Variants in MTHFS observed in about 807,000 individuals in gnomAD.
MTHFS encodes methenyltetrahydrofolate synthetase, also known as 5-formyltetrahydrofolate cyclo-ligase.
A neutral mutation model predicts 12.7 loss-of-function variants in MTHFS; 7 were observed. That is an observed-to-expected ratio of 0.55 (90% CI 0.31 to 1.03). MTHFS has a LOEUF of 1.03. Among genes scored for constraint, MTHFS ranks in the 50% least tolerant of loss-of-function variants. MTHFS has a pLI of 0.05. For missense variants in MTHFS, 252 were observed against 258.1 expected (o/e 0.98, Z 0.16); for synonymous variants, 100 against 97.1 (o/e 1.03, Z -0.18).
intron 2 of MTHFS, among the ~76,000 whole-genome samples, chr15:79,861,495 G>A (rs1204410507): frequency 6.6e-6 from 1 of 152,150 alleles, no homozygotes; most frequent in Admixed American, 6.5e-5. Flanking sequence ...CTCATGTGTT[G>A]GTGATGAGTA....
At chr15:79,848,994 AT>A (rs1436750275) in intron 2 of MTHFS, among the ~76,000 whole-genome samples, 2 of 152,344 alleles carry the variant, frequency 1.3e-5, no homozygotes, top group East Asian at 1.9e-4. Flanking sequence ...AGGCAAAAAA[AT>A]AAAATAAAAT....
intron 2 of MTHFS, among the ~76,000 whole-genome samples, chr15:79,857,725 A>G (rs1199443597): frequency 6.6e-6 from 1 of 152,192 alleles, no homozygotes; most frequent in Admixed American, 6.5e-5. Context: ...ACTTGCTCTT[A>G]AAACCCAAAA....
intron 2 of MTHFS, among the ~76,000 whole-genome samples, chr15:79,852,911 T>A (rs908780314): frequency 5.9e-5 from 9 of 152,218 alleles, no homozygotes; most frequent in African/African-American, 2.2e-4. Flanking sequence ...GTGACAGGAA[T>A]TTAGACTCTT....
chr15:79,890,303 C>T (rs577345377), intron 1 of MTHFS, among the ~76,000 whole-genome samples: 1 of 137,242 alleles, frequency 7.3e-6, no homozygotes, highest in Non-Finnish European at 1.5e-5. Context: ...CTGCCTCAAT[C>T]TGCAATCACT....
At chr15:79,852,994 C>T (rs193251499) in intron 2 of MTHFS, among the ~76,000 whole-genome samples, 29 of 152,170 alleles carry the variant, frequency 1.9e-4, no homozygotes, top group Non-Finnish European at 4.0e-4. Context: ...GATCTCACAG[C>T]AGCACTTTCC....
chr15:79,894,844 A>G (rs1596085612), intron 1 of MTHFS, among the ~76,000 whole-genome samples: 1 of 151,984 alleles, frequency 6.6e-6, no homozygotes, highest in African/African-American at 2.4e-5. Context: ...ACAGTCTCCC[A>G]TTTGCCTCCT....
intron 2 of MTHFS, among the ~76,000 whole-genome samples, chr15:79,869,969 G>A (rs920859071): frequency 6.6e-6 from 1 of 152,016 alleles, no homozygotes; most frequent in African/African-American, 2.4e-5. Context: ...GGAAAGAAGG[G>A]ATTATCAAAA....
chr15:79,896,742 TGCGCGCGCCGGG>T, intron 1 of MTHFS, 118 bp downstream of exon 1: 1 of 1,056,312 alleles, frequency 9.5e-7, no homozygotes. Flanking sequence ...AGGGGAAACG[TGCGCGCGCCGGG>T]GGGTGGGGGG....
chr15:79,870,936 A>G (rs1010981536), intron 2 of MTHFS, among the ~76,000 whole-genome samples: 1 of 152,184 alleles, frequency 6.6e-6, no homozygotes, highest in Non-Finnish European at 1.5e-5. Flanking sequence ...TGAACTGAGG[A>G]GGTCGAGACC....
intron 2 of MTHFS, among the ~76,000 whole-genome samples, chr15:79,846,146 G>A (rs1394782692): frequency 6.6e-6 from 1 of 152,214 alleles, no homozygotes; most frequent in African/African-American, 2.4e-5. Flanking sequence ...GCAGGGTCCT[G>A]GAGGCTATAA....
chr15:79,860,350 C>T (rs1354935967), intron 2 of MTHFS, among the ~76,000 whole-genome samples: 1 of 151,390 alleles, frequency 6.6e-6, no homozygotes, highest in African/African-American at 2.4e-5. Flanking sequence ...GATCGCACCA[C>T]TGCACTCCAG....
intron 2 of MTHFS, among the ~76,000 whole-genome samples, chr15:79,865,338 C>T (rs2033990720): frequency 6.6e-6 from 1 of 152,104 alleles, no homozygotes; most frequent in Non-Finnish European, 1.5e-5. Context: ...GGAAAAATGT[C>T]TATTATGATT....
chr15:79,891,356 A>C (rs540913924), intron 1 of MTHFS, among the ~76,000 whole-genome samples: 1 of 151,960 alleles, frequency 6.6e-6, no homozygotes, highest in African/African-American at 2.4e-5. Context: ...GAAAAAAATA[A>C]GAAGGGGAGA....
At position 79,844,715 on chromosome 15, in the gene MTHFS, GGGT is replaced by G. The variant is rs2141335158; in HGVS notation, c.*492_*494del. 6.6e-6 allele frequency among the ~76,000 whole-genome samples: 1 copy of G among 152,248 alleles called. No homozygotes were observed. The highest frequency in any genetic ancestry group is 2.4e-5 in the African/African-American group (1 of 41,538). On this transcript the variant is annotated 3_prime_UTR_variant, in exon 3 of 3. Transcript: ENST00000258874. ...AGTGTCCAACATAAAATTCTAGAGT[GGGT>G]AAAGGAAGTCATGATGAAGTGAGAT...
intron 2 of MTHFS, among the ~76,000 whole-genome samples, chr15:79,854,592 T>TG (rs2033769296): frequency 1.3e-5 from 2 of 152,236 alleles, no homozygotes; most frequent in African/African-American, 4.8e-5. Flanking sequence ...ACTCCTGGCT[T>TG]GGAGATTTGG....
intron 2 of MTHFS, among the ~76,000 whole-genome samples, chr15:79,869,744 A>AT (rs760439511): frequency 2.0e-5 from 3 of 152,140 alleles, no homozygotes; most frequent in Non-Finnish European, 2.9e-5. Flanking sequence ...CACTTAACAG[A>AT]TTTTTTTAAA....
At chr15:79,879,440 G>T (rs1263151846) in intron 2 of MTHFS, among the ~76,000 whole-genome samples, 1 of 145,242 alleles carries the variant, frequency 6.9e-6, no homozygotes, top group Non-Finnish European at 1.5e-5. Flanking sequence ...CAATTCTCCT[G>T]CCTCAGCCTC....
At chr15:79,851,783 G>A (rs2033720773) in intron 2 of MTHFS, among the ~76,000 whole-genome samples, 1 of 152,092 alleles carries the variant, frequency 6.6e-6, no homozygotes, top group Non-Finnish European at 1.5e-5. Context: ...TAATATACAT[G>A]GTTCCTATTA....
rs906248234 is a variant in MTHFS at position 79,889,288 on chromosome 15, T to C, written c.184A>G (p.Ile62Val). Residue 62 changes from isoleucine (I) to valine (V), a missense_variant, in exon 2 of 3, where the codon ATT becomes GTT. Ile to Val is a conservative substitution (Grantham distance 29, BLOSUM62 3). Transcript: ENST00000258874. ...ISIFLSMQDEIETEEIIKDIF... is the reference protein window; with the variant it reads ...ISIFLSMQDEVETEEIIKDIF... ...TCCTTGATGATCTCTTCTGTCTCAA[T>C]TTCATCTTGCATGCTCAGAAAGATG... is the stretch of plus-strand genomic sequence containing the variant. 2 of 1,614,230 alleles carry C rather than the reference T, an allele frequency of 1.2e-6. No homozygotes were observed. The highest frequency in any genetic ancestry group is 3.3e-5 in the Admixed American group (2 of 60,026).
Sources: allele counts gnomAD v4.1 joint callset (sites outside exome capture counted in the v4.1 genomes callset), GRCh38; gene constraint gnomAD v4.1.1; transcripts MANE v1.5; gene names NCBI Gene and HGNC (gene_info 2026-07-23, HGNC 2026-07-21).